The following CAPZA2 variants were observed in gnomAD, a reference collection of about 807,000 sequenced individuals.
The protein encoded by CAPZA2 is capping actin protein of muscle Z-line subunit alpha 2, also known as F-actin-capping protein subunit alpha-2.
Under a neutral mutation model 44.0 loss-of-function variants are expected in CAPZA2, and 13 were observed. The observed-to-expected ratio is 0.30, with a 90% CI of 0.19 to 0.47. The LOEUF (loss-of-function observed/expected upper bound fraction) is 0.47, where lower values mean the gene tolerates loss of function less well. CAPZA2 is among the 20% of genes least tolerant of loss of function. CAPZA2 has a pLI of 1.00. For synonymous variants in CAPZA2, 94 were observed against 108.2 expected, an observed-to-expected ratio of 0.87 and a Z score of 0.81; for missense variants, 244 against 338.6, an observed-to-expected ratio of 0.72 and a Z score of 2.19.
chr7:116,912,437 C>T (rs1460977132), intron 8 of CAPZA2, among the ~76,000 whole-genome samples: 1 of 152,002 alleles, frequency 6.6e-6, no homozygotes, highest in Non-Finnish European at 1.5e-5. Context: ...TTTTCATGCT[C>T]CTTAAAAGAA....
chr7:116,873,966 C>G (rs1796587044), intron 1 of CAPZA2: 1 of 152,890 alleles, frequency 6.5e-6, no homozygotes, highest in South Asian at 2.1e-4. Context: ...TGTTCTCTTT[C>G]CCTGATAAGT....
At chr7:116,867,657 C>G (rs1186545274) in intron 1 of CAPZA2, among the ~76,000 whole-genome samples, 1 of 149,224 alleles carries the variant, frequency 6.7e-6, no homozygotes, top group Admixed American at 6.7e-5. Flanking sequence ...GATCTCGGCT[C>G]ACTGCAACCT....
intron 1 of CAPZA2, among the ~76,000 whole-genome samples, chr7:116,881,535 C>G (rs1019943903): frequency 6.6e-6 from 1 of 151,884 alleles, no homozygotes; most frequent in Non-Finnish European, 1.5e-5. Flanking sequence ...GTCAGGAGAT[C>G]AAGACCATCC....
chr7:116,871,851 C>G (rs992069594), intron 1 of CAPZA2, among the ~76,000 whole-genome samples: 1 of 152,160 alleles, frequency 6.6e-6, no homozygotes, highest in African/African-American at 2.4e-5. Flanking sequence ...TTTGTAATTC[C>G]AGTAGAGCGC....
intron 1 of CAPZA2, among the ~76,000 whole-genome samples, chr7:116,868,688 C>T (rs1271909194): frequency 1.3e-5 from 2 of 152,062 alleles, no homozygotes; most frequent in Admixed American, 6.5e-5. Context: ...GAGCGGTGAT[C>T]GCACCACTGC....
At position 116,917,986 on chromosome 7, in the gene CAPZA2, A is replaced by G; in HGVS notation, c.*119A>G. Reference sequence around the variant, plus strand: ...GCTGTTGCCATTTAAAATCACTGTAATTAATTAGTTTGATTAGAGCACAAA... The same window carrying G: ...GCTGTTGCCATTTAAAATCACTGTAGTTAATTAGTTTGATTAGAGCACAAA... On this transcript the variant is annotated 3_prime_UTR_variant, in exon 10 of 10. Transcript: ENST00000361183. The G allele has an allele frequency of 1.4e-6, 1 of 716,180 alleles. No individual in the cohort carries two copies. The highest frequency in any genetic ancestry group is 1.7e-5 in the South Asian group (1 of 57,540). 44.4% of individuals were successfully genotyped at this position (716,180 alleles called of 1,614,324 possible).
At chr7:116,868,972 T>C (rs894968832) in intron 1 of CAPZA2, among the ~76,000 whole-genome samples, 1 of 152,202 alleles carries the variant, frequency 6.6e-6, no homozygotes, top group Non-Finnish European at 1.5e-5. Context: ...TTGGGAGCCA[T>C]TTTTGCATGA....
Position 116,918,837 on chromosome 7 carries a change from C to T in CAPZA2, c.*970C>T, listed in dbSNP as rs922002300. ...TTGTAAATTAGAAAAGCTGGGATTA[C>T]ATATGGTGTGCGGTTACAGTCTAAA... On this transcript the variant is annotated 3_prime_UTR_variant, in exon 10 of 10. Transcript: ENST00000361183. 6.6e-6 allele frequency: 1 copy of T among 152,094 alleles called. No homozygotes were observed. The highest frequency in any genetic ancestry group is 2.4e-5 in the African/African-American group (1 of 41,414). 9.4% of individuals were successfully genotyped at this position (152,094 alleles called of 1,614,324 possible). A position where few individuals can be genotyped will look rare whatever the true frequency, so the allele number is the denominator to read the frequency against.
intron 1 of CAPZA2, chr7:116,874,615 A>G (rs1158903525): frequency 6.6e-6 from 1 of 152,260 alleles, no homozygotes; most frequent in Non-Finnish European, 1.5e-5. Context: ...GCAGTCAGAG[A>G]CACTTCTGAT....
chr7:116,889,820 A>G (rs1209134717), intron 2 of CAPZA2, among the ~76,000 whole-genome samples: 4 of 152,198 alleles, frequency 2.6e-5, no homozygotes, highest in Non-Finnish European at 5.9e-5. Context: ...CAGAAATTAA[A>G]ATCTGCTGTT....
intron 6 of CAPZA2, chr7:116,906,699 AATG>A (rs1226328687): frequency 5.7e-6 from 1 of 174,962 alleles, no homozygotes; most frequent in Non-Finnish European, 1.2e-5. Context: ...TAGAACAAAA[AATG>A]ATACTACTTT....
intron 7 of CAPZA2, 151 bp from the exon 8 acceptor site, chr7:116,911,918 G>A: frequency 7.7e-6 from 10 of 1,290,394 alleles, no homozygotes; most frequent in Non-Finnish European, 9.5e-6. Context: ...GGCAGGAAGA[G>A]TCTTGCTGGA....
chr7:116,885,799 TC>T (rs1796754579), intron 1 of CAPZA2, among the ~76,000 whole-genome samples: 2 of 152,150 alleles, frequency 1.3e-5, no homozygotes, highest in South Asian at 4.1e-4. Flanking sequence ...TTCAGGAGCC[TC>T]CATGTGTTCA....
At chr7:116,878,481 C>A (rs1796649043) in intron 1 of CAPZA2, among the ~76,000 whole-genome samples, 1 of 152,114 alleles carries the variant, frequency 6.6e-6, no homozygotes, top group African/African-American at 2.4e-5. Flanking sequence ...AATAATGATG[C>A]ATGTCATCTC....
At chr7:116,873,698 C>G (rs890328371) in intron 1 of CAPZA2, 3 of 156,276 alleles carry the variant, frequency 1.9e-5, no homozygotes, top group African/African-American at 7.2e-5. Flanking sequence ...TCACGTTGTA[C>G]CCTCATGTTC....
chr7:116,903,320 C>G (rs1050752373), intron 4 of CAPZA2, among the ~76,000 whole-genome samples: 5 of 151,268 alleles, frequency 3.3e-5, no homozygotes, highest in African/African-American at 1.2e-4. Flanking sequence ...AATGACCAGT[C>G]GCTTCTCGGC....
chr7:116,890,585 TATATATATATATAC>T, intron 2 of CAPZA2, among the ~76,000 whole-genome samples: 7 of 31,902 alleles, frequency 2.2e-4, no homozygotes, highest in African/African-American at 8.2e-4. Context: ...TATATATATA[TATATATATATATAC>T]ACACACACAC....
chr7:116,914,859 C>G (rs1037259686), intron 8 of CAPZA2, among the ~76,000 whole-genome samples: 2 of 152,230 alleles, frequency 1.3e-5, no homozygotes, highest in Non-Finnish European at 2.9e-5. Flanking sequence ...AAAAAACTTA[C>G]TAATGTCTGA....
At chr7:116,891,035 TATAGTC>T (rs1316250283) in intron 2 of CAPZA2, among the ~76,000 whole-genome samples, 1 of 152,106 alleles carries the variant, frequency 6.6e-6, no homozygotes, top group African/African-American at 2.4e-5. Flanking sequence ...ATCTCAAACA[TATAGTC>T]ATAGATCTGG....
Sources: gnomAD v4.1 joint callset for allele counts (sites outside exome capture counted in the v4.1 genomes callset) on GRCh38, gnomAD v4.1.1 for gene constraint, MANE v1.5 for transcripts, NCBI Gene and HGNC (gene_info 2026-07-23, HGNC 2026-07-21) for gene names.